PLEKHG6: variants seen among roughly 807,000 people sequenced by gnomAD.
PLEKHG6 encodes the protein pleckstrin homology domain-containing family G member 6.
A neutral mutation model predicts 97.5 loss-of-function variants in PLEKHG6; 91 were observed. The ratio of observed to expected loss-of-function variants is 0.93; its 90% CI spans 0.79 to 1.11. The LOEUF (loss-of-function observed/expected upper bound fraction) is 1.11. Among genes scored for constraint, PLEKHG6 ranks in the 50% most tolerant of loss-of-function variants. The pLI is 0.00. For synonymous variants in PLEKHG6, 466 were observed against 425.5 expected (o/e 1.10, Z -1.17); for missense variants, 1,044 against 1,031.0 (o/e 1.01, Z -0.17).
intron 13 of PLEKHG6, among the ~76,000 whole-genome samples, chr12:6,321,107 C>A (rs1016437803): frequency 6.6e-6 from 1 of 152,036 alleles, no homozygotes; most frequent in Non-Finnish European, 1.5e-5. Context: ...GCCGCCTCAA[C>A]TTCCTGGGCT....
intron 3 of PLEKHG6, 34 bp downstream of exon 3, chr12:6,313,818 T>A (rs776895718): frequency 1.3e-6 from 2 of 1,525,526 alleles, no homozygotes; most frequent in South Asian, 2.6e-5. Flanking sequence ...TCCCCACACA[T>A]ACGGCCCCAA....
In PLEKHG6 at chr12:6,313,676, T is replaced by A. The variant is rs1306647078; in HGVS notation, c.186T>A (p.Gly62=). 4 of 1,613,978 alleles carry A rather than the reference T, an allele frequency of 2.5e-6. No homozygotes were observed. Among genetic ancestry groups the A allele is most frequent in the Non-Finnish European group, 3.4e-6 (4 of 1,179,970 alleles). The change falls in exon 3 of 16, where the codon GGT becomes GGA. Residue 62 remains glycine, a synonymous_variant. Transcript: ENST00000684764. The part of the protein sequence containing the change: ...RLQQYVPFAR[G]SGQARGLSPM... ...AGCAGTATGTCCCCTTTGCCAGGGG[T>A]TCTGGCCAGGCCCGAGGCCTGTCAC...
At chr12:6,320,356 T>G (rs2136763801) in intron 13 of PLEKHG6, among the ~76,000 whole-genome samples, 1 of 152,260 alleles carries the variant, frequency 6.6e-6, no homozygotes, top group South Asian at 2.1e-4. Flanking sequence ...CATCAGAAGC[T>G]TACTCTCTCA....
rs1947469793 is a variant in PLEKHG6 at position 6,316,626 on chromosome 12, G to A, written c.756+222G>A. On this transcript the variant is annotated intron_variant, in intron 7 of 15. Coordinates refer to ENST00000684764, the MANE Select transcript of PLEKHG6 (RefSeq NM_001384598.1). The surrounding 1 kb of genome is among the most constrained non-coding windows in gnomAD (Gnocchi z 4.1). ...CTGGAGGCCTTTATGAAATGAAAATGCAGCTGTCTCAGAGAAGGGTCACAC... is the reference window on the plus strand; with the variant it reads ...CTGGAGGCCTTTATGAAATGAAAATACAGCTGTCTCAGAGAAGGGTCACAC... 1.3e-5 allele frequency among the ~76,000 whole-genome samples: 2 copies of A among 152,164 alleles called. No individual in the cohort carries two copies. Among genetic ancestry groups the A allele is most frequent in the African/African-American group, 4.8e-5 (2 of 41,436 alleles).
In PLEKHG6 at chr12:6,316,349, C is replaced by A; in HGVS notation, c.701C>A (p.Thr234Asn). The change falls in exon 7 of 16, where the codon ACT becomes AAT. Residue 234 changes from threonine to asparagine, a missense_variant. By Grantham distance (65) the Thr-to-Asn change is moderately conservative. Transcript: ENST00000684764. The surrounding 1 kb of genome is among the most constrained non-coding windows in gnomAD (Gnocchi z 4.1). The stretch of plus-strand genomic sequence containing the variant: ...GTGCTGGGGCCCACCCTGGAGGAGA[C>A]TCGGGCCTCGGGCCAGCCTCTGGAC... ...DEVLGPTLEE[T>N]RASGQPLDPI... The A allele has an allele frequency of 6.4e-7, 1 of 1,564,400 alleles. No individual in the cohort carries two copies. Among genetic ancestry groups the A allele is most frequent in the Non-Finnish European group, 8.7e-7 (1 of 1,153,914 alleles).
At position 6,316,422 on chromosome 12, in the gene PLEKHG6, C is replaced by T. The variant is rs749378052; in HGVS notation, c.756+18C>T. 3.8e-6 allele frequency: 6 copies of T among 1,560,188 alleles called. No individual in the cohort carries two copies. The highest frequency in any genetic ancestry group is 3.5e-6 in the Non-Finnish European group (4 of 1,151,134). On this transcript the variant is annotated intron_variant, in intron 7 of 15. Transcript: ENST00000684764. This position sits in a 1 kb window ranked among gnomAD's most constrained non-coding sequence, Gnocchi z 4.1. Reference sequence around the variant, plus strand: ...TCCTGACGGTGAGGCCTGTGAAGGGCTGTGTCTGGATGGGGCAGGACTCGG... The same window carrying T: ...TCCTGACGGTGAGGCCTGTGAAGGGTTGTGTCTGGATGGGGCAGGACTCGG...
At position 6,312,260 on chromosome 12, in the gene PLEKHG6, C is replaced by T; in HGVS notation, c.34C>T (p.Leu12Phe). The change falls in exon 2 of 16, where the codon CTC (leucine) becomes TTC (phenylalanine). Residue 12 changes from leucine to phenylalanine, a missense_variant. Coordinates refer to ENST00000684764, the MANE Select transcript of PLEKHG6 (RefSeq NM_001384598.1). The part of the protein sequence containing the change: ...KAFGPPHEGP[L>F]QGLVASRIET... The stretch of plus-strand genomic sequence containing the variant: ...CTTTGGTCCTCCACATGAGGGCCCC[C>T]TCCAAGGACTCGTGGCCTCCCGCAT... 6.5e-7 allele frequency: 1 copy of T among 1,542,060 alleles called. No homozygotes were observed. Among genetic ancestry groups the T allele is most frequent in the Non-Finnish European group, 8.7e-7 (1 of 1,151,328 alleles).
At chr12:6,319,538 C>T in intron 13 of PLEKHG6, 2 of 1,523,830 alleles carry the variant, frequency 1.3e-6, no homozygotes, top group Non-Finnish European at 1.8e-6. Context: ...GGGGTGGATT[C>T]AGTTTCAGAC....
In PLEKHG6 at chr12:6,328,278, G is replaced by A. The variant is rs1488137448; in HGVS notation, c.*133G>A. 3 of 833,800 alleles carry A rather than the reference G, an allele frequency of 3.6e-6. No individual in the cohort carries two copies. The highest frequency in any genetic ancestry group is 3.4e-5 in the African/African-American group (2 of 59,612). 51.7% of individuals were successfully genotyped at this position (833,800 alleles called of 1,614,324 possible). ...AAAGGAAGCCTGGCCCAGGCACCCTGCCTCCTGCTCTGTTTGGGGATCAAG... is the reference window on the plus strand; with the variant it reads ...AAAGGAAGCCTGGCCCAGGCACCCTACCTCCTGCTCTGTTTGGGGATCAAG... On this transcript the variant is annotated 3_prime_UTR_variant, in exon 16 of 16. Transcript: ENST00000684764.
chr12:6,322,888 A>G (rs942674183), intron 13 of PLEKHG6, among the ~76,000 whole-genome samples: 2 of 152,162 alleles, frequency 1.3e-5, no homozygotes, highest in Non-Finnish European at 2.9e-5. Context: ...CTAAAAAAAA[A>G]AAAAGTTAAA....
At chr12:6,320,968 G>A (rs1468023054) in intron 13 of PLEKHG6, among the ~76,000 whole-genome samples, 1 of 152,126 alleles carries the variant, frequency 6.6e-6, no homozygotes, top group Non-Finnish European at 1.5e-5. Flanking sequence ...GAACCCTGTG[G>A]CCTGGATGCG....
chr12:6,313,148 G>C, intron 2 of PLEKHG6: 1 of 1,548,622 alleles, frequency 6.5e-7, no homozygotes, highest in Non-Finnish European at 8.7e-7. Flanking sequence ...CAGCTGGATG[G>C]GATGCAGGCT....
intron 2 of PLEKHG6, chr12:6,312,696 G>A: frequency 1.7e-6 from 2 of 1,176,142 alleles, no homozygotes; most frequent in Non-Finnish European, 1.1e-6. Flanking sequence ...CCTCTGCTTG[G>A]CAGGAGTTTG....
Position 6,315,519 on chromosome 12 carries a change from A to T in PLEKHG6, c.460-35A>T. 7.5e-7 allele frequency: 1 copy of T among 1,325,714 alleles called. No homozygotes were observed. The allele number at this position is 1,325,714 out of a possible 1,614,324, so 82.1% of individuals were successfully genotyped here. A position where few individuals can be genotyped will look rare whatever the true frequency, so the allele number is the denominator to read the frequency against. On this transcript the variant is annotated intron_variant, in intron 4 of 15. Coordinates refer to ENST00000684764, the MANE Select transcript of PLEKHG6 (RefSeq NM_001384598.1). The surrounding 1 kb of genome is among the most constrained non-coding windows in gnomAD (Gnocchi z 4.5). ...GCTGGTACTTGCCATTCTAATTATC[A>T]TTCCCCAACTGAACCAGCATTCTCC... is the stretch of plus-strand genomic sequence containing the variant.
At chr12:6,327,074 C>A (rs1210691400) in intron 14 of PLEKHG6, among the ~76,000 whole-genome samples, 180 bp from the exon 15 acceptor site, 2 of 152,100 alleles carry the variant, frequency 1.3e-5, no homozygotes, top group African/African-American at 2.4e-5. Flanking sequence ...AGAGGCAGCC[C>A]GTACTCTCTT....
intron 14 of PLEKHG6, 152 bp from the exon 15 acceptor site, chr12:6,327,102 C>A: frequency 1.6e-6 from 1 of 606,208 alleles, no homozygotes; most frequent in Non-Finnish European, 2.9e-6. Context: ...TAAAATCTAG[C>A]CAGCCAGATG....
intron 2 of PLEKHG6, chr12:6,313,261 G>A (rs970416350): frequency 1.5e-6 from 2 of 1,371,370 alleles, no homozygotes; most frequent in African/African-American, 2.9e-5. Context: ...AGAATGCTGT[G>A]TGCACCACGC....
Position 6,327,666 on chromosome 12 carries a change from C to A in PLEKHG6, c.2083C>A (p.Pro695Thr). 1 of 1,560,780 alleles carries A rather than the reference C, an allele frequency of 6.4e-7. No homozygotes were observed. The highest frequency in any genetic ancestry group is 8.7e-7 in the Non-Finnish European group (1 of 1,148,542). Residue 695 changes from proline (P) to threonine (T), a missense_variant, in exon 15 of 16, where the codon CCC (proline) becomes ACC (threonine). Pro to Thr is a conservative substitution (Grantham distance 38). Coordinates refer to ENST00000684764, the MANE Select transcript of PLEKHG6 (RefSeq NM_001384598.1). ...CAGGGCCCGGCTTCGGGGCCAGCTT[C>A]CCTCCTCCCCAACCCATGCTGACTC... ...LHRARLRGQL[P>T]SSPTHADSAG... is the part of the protein sequence containing the mutation.
Position 6,315,915 on chromosome 12 carries a change from T to C in PLEKHG6, c.602T>C (p.Met201Thr), listed in dbSNP as rs145571054. 54 of 1,580,368 alleles carry C rather than the reference T, an allele frequency of 3.4e-5. 1 individual carries two copies. The African/African-American group carries it at 6.2e-4, about 18-fold the overall frequency. Residue 201 changes from methionine to threonine, a missense_variant, in exon 6 of 16, where the codon ATG (methionine) becomes ACG (threonine). Transcript: ENST00000684764. This position sits in a 1 kb window ranked among gnomAD's most constrained non-coding sequence, Gnocchi z 4.5. Reference sequence around the variant, plus strand: ...AACCTGCAGCGAGTGGGACTGCTGATGGAAGTGAGTGGGTGCTCAGGAGGG... The same window carrying C: ...AACCTGCAGCGAGTGGGACTGCTGACGGAAGTGAGTGGGTGCTCAGGAGGG... ...LLNLQRVGLL[M>T]EVSAETLFGN...
Sources: gnomAD v4.1 joint callset for allele counts (sites outside exome capture counted in the v4.1 genomes callset) on GRCh38, gnomAD v4.1.1 for gene constraint, Gnocchi (gnomAD v3.1) non-coding constraint, MANE v1.5 for transcripts, NCBI Gene and HGNC (gene_info 2026-07-23, HGNC 2026-07-21) for gene names.